DLGAP2: variants seen among roughly 807,000 people sequenced by gnomAD.
DLGAP2 encodes the protein DLG associated protein 2.
DLGAP2 carries 26 observed loss-of-function variants against 100.3 expected under a neutral mutation model. The ratio of observed to expected loss-of-function variants is 0.26; its 90% CI spans 0.19 to 0.36. The LOEUF (loss-of-function observed/expected upper bound fraction) is 0.36, where lower values mean the gene tolerates loss of function less well. Ranked by LOEUF, DLGAP2 falls within the 10% of genes least tolerant of loss-of-function variation. The pLI is 1.00. For missense variants in DLGAP2, 1,858 were observed against 1,453.2 expected, an observed-to-expected ratio of 1.28 and a Z score of -4.53; for synonymous variants, 886 against 630.1, an observed-to-expected ratio of 1.41 and a Z score of -6.08.
At chr8:1,454,703 T>A (rs1484992985) in intron 3 of DLGAP2, among the ~76,000 whole-genome samples, 1 of 152,278 alleles carries the variant, frequency 6.6e-6, no homozygotes, top group East Asian at 1.9e-4. Flanking sequence ...GAGTTCAGCT[T>A]GAGGGCTGAG....
intron 6 of DLGAP2, among the ~76,000 whole-genome samples, chr8:1,614,875 G>A (rs995770449): frequency 6.6e-6 from 1 of 152,162 alleles, no homozygotes; most frequent in East Asian, 1.9e-4. Flanking sequence ...ACACACACAC[G>A]CATGCCCTCC....
rs188694209 is a variant in DLGAP2 at position 985,922 on chromosome 8, C to T, written c.73+77956C>T. On this transcript the variant is annotated intron_variant, in intron 2 of 14. Transcript: ENST00000637795. ...GATGAAACCCTCTTCCTGGGCCTCC[C>T]TCCCTGAAGATGCTCTTGGTGGAAT... Among the ~76,000 whole-genome samples, 18 of 152,214 alleles carry T rather than the reference C, an allele frequency of 1.2e-4. No homozygotes were observed. The East Asian group carries it at 3.5e-3, about 29-fold the overall frequency.
At chr8:1,626,974 C>T (rs960121644) in intron 7 of DLGAP2, 87 bp downstream of exon 7, 16 of 1,469,184 alleles carry the variant, frequency 1.1e-5, no homozygotes, top group East Asian at 7.4e-5. Flanking sequence ...GTGGCGATGG[C>T]GCTGCCCTCC....
Position 1,238,452 on chromosome 8 carries a change from C to T in DLGAP2, c.74-20399C>T, listed in dbSNP as rs146051456. On this transcript the variant is annotated intron_variant, in intron 2 of 14. Coordinates refer to ENST00000637795, the MANE Select transcript of DLGAP2 (RefSeq NM_001346810.2). ...CGTTTCTAGTTCTCTCACATGGCGC[C>T]GTGTCTAGTTCTCTCACATGGCACC... Among the ~76,000 whole-genome samples, 516 of 131,430 alleles carry T rather than the reference C, an allele frequency of 3.9e-3. 15 individuals are homozygous for T. The highest frequency in any genetic ancestry group is 0.014 in the African/African-American group (496 of 35,574). 86.2% of individuals were successfully genotyped at this position (131,430 alleles called of 152,430 possible).
intron 3 of DLGAP2, among the ~76,000 whole-genome samples, chr8:1,334,595 C>G (rs1167717939): frequency 6.6e-6 from 1 of 152,024 alleles, no homozygotes; most frequent in East Asian, 1.9e-4. Context: ...TGCCCTCGAC[C>G]CCCCCAGTGG....
intron 1 of DLGAP2, among the ~76,000 whole-genome samples, chr8:776,514 T>G (rs558215553): frequency 6.6e-6 from 1 of 152,344 alleles, no homozygotes; most frequent in African/African-American, 2.4e-5. Flanking sequence ...CTCTACACAC[T>G]GCTTTGAATG....
intron 1 of DLGAP2, among the ~76,000 whole-genome samples, chr8:763,842 T>C (rs1458676447): frequency 6.6e-6 from 1 of 152,244 alleles, no homozygotes; most frequent in Non-Finnish European, 1.5e-5. Context: ...AAAATCCTTC[T>C]AACTGCAGTC....
At chr8:1,206,135 G>A (rs549987762) in intron 2 of DLGAP2, among the ~76,000 whole-genome samples, 3 of 152,168 alleles carry the variant, frequency 2.0e-5, no homozygotes, top group Non-Finnish European at 4.4e-5. Flanking sequence ...TGAGCTGCTC[G>A]GTGGATCACA....
At chr8:1,414,527 G>C (rs1219388761) in intron 3 of DLGAP2, among the ~76,000 whole-genome samples, 2 of 152,194 alleles carry the variant, frequency 1.3e-5, no homozygotes, top group African/African-American at 4.8e-5. Flanking sequence ...GAAGGTGGCG[G>C]GGAGGGACTG....
At chr8:1,198,776 C>T (rs532638978) in intron 2 of DLGAP2, among the ~76,000 whole-genome samples, 1 of 152,340 alleles carries the variant, frequency 6.6e-6, no homozygotes, top group African/African-American at 2.4e-5. Flanking sequence ...ACGATGCTTC[C>T]CCTTTCCCTC....
At chr8:1,501,008 G>A (rs562023575) in intron 3 of DLGAP2, among the ~76,000 whole-genome samples, 12 of 152,172 alleles carry the variant, frequency 7.9e-5, no homozygotes, top group Non-Finnish European at 1.5e-4. Context: ...GGAAGGAACC[G>A]GGGAAAATTA....
intron 3 of DLGAP2, among the ~76,000 whole-genome samples, chr8:1,443,785 C>T (rs1340915153): frequency 6.6e-6 from 1 of 152,064 alleles, no homozygotes; most frequent in Non-Finnish European, 1.5e-5. Flanking sequence ...TCCACCTGGC[C>T]CCACCCTTGA....
chr8:1,190,035 A>G (rs1489355351), intron 2 of DLGAP2, among the ~76,000 whole-genome samples: 2 of 152,196 alleles, frequency 1.3e-5, no homozygotes, highest in Non-Finnish European at 2.9e-5. Context: ...TCCTTTATTC[A>G]CTGAGAGTTG....
Position 1,172,913 on chromosome 8 carries a change from A to T in DLGAP2, c.74-85938A>T, listed in dbSNP as rs577151454. On this transcript the variant is annotated intron_variant, in intron 2 of 14. Coordinates refer to ENST00000637795, the MANE Select transcript of DLGAP2 (RefSeq NM_001346810.2). The stretch of plus-strand genomic sequence containing the variant: ...GTCATTCTCCGTCCAGCTTTGTTCG[A>T]TTGCTGGTGAGGAACTGTGATGCTT... Among the ~76,000 whole-genome samples the T allele has an allele frequency of 6.6e-5, 10 of 152,158 alleles. No homozygotes were observed. The East Asian group carries it at 1.9e-3, about 29-fold the overall frequency.
At chr8:1,011,990 T>A (rs1188233764) in intron 2 of DLGAP2, among the ~76,000 whole-genome samples, 1 of 152,236 alleles carries the variant, frequency 6.6e-6, no homozygotes, top group Non-Finnish European at 1.5e-5. Flanking sequence ...GCTGGTTGCC[T>A]GAGTGGCTCA....
Position 1,671,908 on chromosome 8 carries a change from G to A in DLGAP2, c.2202+2124G>A, listed in dbSNP as rs115513379. ...AGTCCTAGGATAAGGAGGAGAGCTT[G>A]TGGGCATGGCTGAGCTACCTCGGAG... On this transcript the variant is annotated intron_variant, in intron 10 of 14. Transcript: ENST00000637795. 7.8e-3 allele frequency among the ~76,000 whole-genome samples: 1,190 copies of A among 152,370 alleles called. 18 individuals are homozygous for A. The highest frequency in any genetic ancestry group is 0.027 in the African/African-American group (1,125 of 41,586).
At chr8:1,673,584 T>C (rs1000925500) in intron 10 of DLGAP2, among the ~76,000 whole-genome samples, 20 of 152,342 alleles carry the variant, frequency 1.3e-4, no homozygotes, top group East Asian at 7.7e-4. Flanking sequence ...CATACCACTA[T>C]TCACGTGACC....
At chr8:1,519,721 C>G (rs372877260) in intron 4 of DLGAP2, among the ~76,000 whole-genome samples, 75 of 152,370 alleles carry the variant, frequency 4.9e-4, no homozygotes, top group African/African-American at 1.8e-3. Context: ...ACTTGCCTGC[C>G]TGTAAGAAGC....
intron 2 of DLGAP2, among the ~76,000 whole-genome samples, chr8:918,552 C>A (rs1798642755): frequency 6.6e-6 from 1 of 152,176 alleles, no homozygotes; most frequent in South Asian, 2.1e-4. Context: ...TGCATCGATC[C>A]TGAACAGGTG....
Sources: gnomAD v4.1 joint callset for allele counts (sites outside exome capture counted in the v4.1 genomes callset) on GRCh38, gnomAD v4.1.1 for gene constraint, MANE v1.5 for transcripts, NCBI Gene and HGNC (gene_info 2026-07-23, HGNC 2026-07-21) for gene names.